CD55: variants seen among roughly 807,000 people sequenced by gnomAD.
CD55 encodes the protein complement decay-accelerating factor.
Under a neutral mutation model 45.8 loss-of-function variants are expected in CD55, and 41 were observed. The observed-to-expected ratio is 0.90, with a 90% CI of 0.70 to 1.16. The LOEUF (loss-of-function observed/expected upper bound fraction) is 1.16. Ranked by LOEUF, CD55 falls within the 50% of genes most tolerant of loss-of-function variation. CD55 has a pLI of 0.00. For missense variants in CD55, 416 were observed against 469.8 expected (o/e 0.89, Z 1.06); for synonymous variants, 181 against 181.1 (o/e 1.00, Z 0.01).
Position 207,322,583 on chromosome 1 carries a change from T to C in CD55, c.286+16T>C, listed in dbSNP as rs770811441. The C allele has an allele frequency of 3.8e-6, 6 of 1,584,396 alleles. No individual in the cohort carries two copies. Among genetic ancestry groups the C allele is most frequent in the Middle Eastern group, 3.4e-4 (2 of 5,898 alleles). On this transcript the variant is annotated intron_variant, in intron 2 of 9. Transcript: ENST00000367064. ...TTCTGCAATCGTAAGTTCTTCATCTTTTTAGAAAAGTTCTGGGAATGGAAT... is the reference window on the plus strand; with the variant it reads ...TTCTGCAATCGTAAGTTCTTCATCTCTTTAGAAAAGTTCTGGGAATGGAAT...
intron 9 of CD55, among the ~76,000 whole-genome samples, chr1:207,342,994 A>G (rs1234723115): frequency 6.6e-6 from 1 of 152,082 alleles, no homozygotes; most frequent in Non-Finnish European, 1.5e-5. Flanking sequence ...ATAGGTGTTT[A>G]TAATAGTCTC....
In CD55 at chr1:207,359,550, C is replaced by G. The variant is rs371285440; in HGVS notation, c.1086C>G (p.His362Gln). The G allele has an allele frequency of 1.3e-6, 2 of 1,487,082 alleles. No individual in the cohort carries two copies. The highest frequency in any genetic ancestry group is 1.8e-6 in the Non-Finnish European group (2 of 1,105,274). The allele number at this position is 1,487,082 out of a possible 1,614,324, so 92.1% of individuals were successfully genotyped here. A position where few individuals can be genotyped will look rare whatever the true frequency, so the allele number is the denominator to read the frequency against. ...TSGTTRLLSG[H>Q]TCFTLTGLLG... ...TTTTTTTTTTTTAATTTTCAGGGCA[C>G]ACGTGTTTCACGTTGACAGGTTTGC... Residue 362 changes from histidine to glutamine, a missense_variant, in exon 10 of 10, where the codon CAC becomes CAG. His to Gln is a conservative substitution (Grantham distance 24). Transcript: ENST00000367064.
chr1:207,340,447 T>A (rs1328717566), intron 9 of CD55: 1 of 666,158 alleles, frequency 1.5e-6, no homozygotes, highest in South Asian at 1.6e-5. Flanking sequence ...CTCACTGCAG[T>A]CTCGAACTCC....
intron 5 of CD55, among the ~76,000 whole-genome samples, chr1:207,330,744 C>T (rs543706746): frequency 9.2e-5 from 14 of 152,278 alleles, no homozygotes; most frequent in African/African-American, 2.6e-4. Context: ...TTTCCCTGCC[C>T]AAGTCTTCTC....
rs1572877520 is a variant in CD55 at position 207,331,156 on chromosome 1, G to A, written c.713G>A (p.Gly238Glu). ...PPQIDNGIIQ[G>E]ERDHYGYRQS... ...CAAATTGACAATGGAATAATTCAAG[G>A]GGAACGTGACCATTATGGATATAGA... Residue 238 changes from glycine to glutamate, a missense_variant, in exon 6 of 10, where the codon GGG becomes GAG. This residue lies in a region of CD55 where 182 missense variants were observed against 201.4 expected (regional missense o/e 0.90). Transcript: ENST00000367064. 2 of 1,613,456 alleles carry A rather than the reference G, an allele frequency of 1.2e-6. No individual in the cohort carries two copies. The highest frequency in any genetic ancestry group is 1.7e-4 in the Middle Eastern group (1 of 6,058).
intron 9 of CD55, among the ~76,000 whole-genome samples, chr1:207,345,042 A>G (rs541666714): frequency 5.9e-5 from 9 of 152,188 alleles, no homozygotes; most frequent in African/African-American, 1.7e-4. Context: ...AATTGTATCT[A>G]CTTGGTGATC....
Position 207,321,857 on chromosome 1 carries a change from C to A in CD55, c.92C>A (p.Ala31Asp). 1 of 1,526,798 alleles carries A rather than the reference C, an allele frequency of 6.5e-7. No homozygotes were observed. Among genetic ancestry groups the A allele is most frequent in the South Asian group, 1.2e-5 (1 of 83,422 alleles). The allele number at this position is 1,526,798 out of a possible 1,614,324, so 94.6% of individuals were successfully genotyped here. A position where few individuals can be genotyped will look rare whatever the true frequency, so the allele number is the denominator to read the frequency against. ...LLLLVLLCLPAVWGDCGLPPD... is the reference protein window; with the variant it reads ...LLLLVLLCLPDVWGDCGLPPD... ...CTGCTGGTGCTGTTGTGCCTGCCGG[C>A]CGTGTGGGGTGAGTAGGGGCCCGGC... is the stretch of plus-strand genomic sequence containing the variant. Residue 31 changes from alanine to aspartate, a missense_variant, in exon 1 of 10, where the codon GCC becomes GAC. Ala to Asp is a moderately radical substitution (Grantham distance 126). Around this residue, in one of 3 missense-constraint regions of CD55, gnomAD observed 123 missense variants for 105.1 expected, o/e 1.17. Transcript: ENST00000367064.
At chr1:207,341,306 T>C (rs551142878) in intron 9 of CD55, among the ~76,000 whole-genome samples, 2 of 152,334 alleles carry the variant, frequency 1.3e-5, no homozygotes, top group South Asian at 4.1e-4. Flanking sequence ...TTTTATTGTC[T>C]ATGCTTTTGA....
chr1:207,325,623 G>A lies in CD55; in HGVS notation c.480G>A (p.Lys160=). 6.3e-7 allele frequency: 1 copy of A among 1,594,866 alleles called. No individual in the cohort carries two copies. Among genetic ancestry groups the A allele is most frequent in the Non-Finnish European group, 8.6e-7 (1 of 1,163,990 alleles). ...KWSTAVEFCK[K]KSCPNPGEIR... ...AAATCAATTTGTATTCTATTCTAGA[G>A]AAATCATGCCCTAATCCGGGAGAAA... Residue 160 remains lysine, a splice_region_variant and synonymous_variant, in exon 4 of 10, where the codon AAG becomes AAA. Coordinates refer to ENST00000367064, the MANE Select transcript of CD55 (RefSeq NM_000574.5).
At chr1:207,337,225 A>G in intron 7 of CD55, 104 bp from the exon 8 acceptor site, 1 of 762,212 alleles carries the variant, frequency 1.3e-6, no homozygotes, top group East Asian at 2.5e-5. Context: ...CAAAAGTTGC[A>G]TTTACGCAGA....
chr1:207,329,467 A>C (rs917741221), intron 5 of CD55, among the ~76,000 whole-genome samples: 12 of 152,136 alleles, frequency 7.9e-5, no homozygotes, highest in African/African-American at 2.9e-4. Flanking sequence ...GAGCTTATTC[A>C]TATCTCCTAT....
Position 207,360,206 on chromosome 1 carries a change from C to A in CD55, c.*596C>A, listed in dbSNP as rs1414090034. ...AATATAGAATGAAAGACTGAATCTT[C>A]CTTTGTTGCACAAATAGAGTTTGGA... On this transcript the variant is annotated 3_prime_UTR_variant, in exon 10 of 10. Transcript: ENST00000367064. 6.6e-6 allele frequency: 1 copy of A among 152,130 alleles called. No homozygotes were observed. The highest frequency in any genetic ancestry group is 1.9e-4 in the East Asian group (1 of 5,194). 9.4% of individuals were successfully genotyped at this position (152,130 alleles called of 1,614,324 possible).
At chr1:207,350,911 G>GT (rs1421772878) in intron 9 of CD55, among the ~76,000 whole-genome samples, 1 of 151,858 alleles carries the variant, frequency 6.6e-6, no homozygotes, top group African/African-American at 2.4e-5. Flanking sequence ...GTTTGCTCTT[G>GT]TTTTTTCTAC....
Position 207,346,881 on chromosome 1 carries a change from A to G in CD55, c.1081+7464A>G, listed in dbSNP as rs113127920. On this transcript the variant is annotated intron_variant, in intron 9 of 9. Coordinates refer to ENST00000367064, the MANE Select transcript of CD55 (RefSeq NM_000574.5). Reference sequence around the variant, plus strand: ...GCTTCCTATGTTAGATCTAGAGCCTACGAGAATCAAGGGACTCCTGTAGCT... The same window carrying G: ...GCTTCCTATGTTAGATCTAGAGCCTGCGAGAATCAAGGGACTCCTGTAGCT... Among the ~76,000 whole-genome samples the G allele has an allele frequency of 5.5e-3, 834 of 152,252 alleles. 8 individuals are homozygous for G. Among genetic ancestry groups the G allele is most frequent in the African/African-American group, 0.018 (758 of 41,532 alleles).
intron 5 of CD55, among the ~76,000 whole-genome samples, chr1:207,328,973 C>T (rs547645238): frequency 2.2e-4 from 33 of 152,304 alleles, no homozygotes; most frequent in Non-Finnish European, 3.5e-4. Context: ...TGCACATAAG[C>T]GGACAACTCA....
intron 6 of CD55, among the ~76,000 whole-genome samples, chr1:207,333,131 A>C (rs545926485): frequency 6.6e-6 from 1 of 152,286 alleles, no homozygotes; most frequent in Middle Eastern, 3.4e-3. Flanking sequence ...ACAAAATGAA[A>C]TCTCTCAGAA....
rs368905867 is a variant in CD55, at chr1:207,325,716, C to T, written c.573C>T (p.Asn191=). 4 of 1,590,488 alleles carry T rather than the reference C, an allele frequency of 2.5e-6. No homozygotes were observed. In the African/African-American group the frequency reaches 5.4e-5, roughly 21 times the overall value. Residue 191 remains asparagine (N), a synonymous_variant, in exon 4 of 10, where the codon AAC becomes AAT. Coordinates refer to ENST00000367064, the MANE Select transcript of CD55 (RefSeq NM_000574.5). ...LFGATISFSC[N]TGYKLFGSTS... ...GTGCAACCATCTCCTTCTCATGTAACACAGGGTAAGTTTGGGCATACTAAA... is the reference window on the plus strand; with the variant it reads ...GTGCAACCATCTCCTTCTCATGTAATACAGGGTAAGTTTGGGCATACTAAA...
chr1:207,322,116 G>A, intron 1 of CD55: 1 of 631,560 alleles, frequency 1.6e-6, no homozygotes, highest in Admixed American at 2.6e-5. Context: ...TGGGTTTGCG[G>A]AGCAGCCAAG....
chr1:207,355,453 C>T (rs1656042868), intron 9 of CD55, among the ~76,000 whole-genome samples: 1 of 152,114 alleles, frequency 6.6e-6, no homozygotes, highest in African/African-American at 2.4e-5. Context: ...TGATGTTGAT[C>T]AACTTATTTG....
Sources: gnomAD v4.1 joint callset for allele counts (sites outside exome capture counted in the v4.1 genomes callset) on GRCh38, gnomAD v4.1.1 for gene constraint, gnomAD v4.1.1 regional missense constraint, MANE v1.5 for transcripts, NCBI Gene and HGNC (gene_info 2026-07-23, HGNC 2026-07-21) for gene names.